The following SPAST variants were observed in gnomAD, a reference collection of about 807,000 sequenced individuals.
SPAST encodes the protein spastin, also known as spastic paraplegia 4 (autosomal dominant; spastin).
SPAST carries 30 observed loss-of-function variants against 76.6 expected under a neutral mutation model. The ratio of observed to expected loss-of-function variants is 0.39; its 90% CI spans 0.29 to 0.53. SPAST has a LOEUF of 0.53. Ranked by LOEUF, SPAST falls within the 20% of genes least tolerant of loss-of-function variation. The probability of loss-of-function intolerance (pLI) is 0.68; values close to 1 mark genes in which losing one functional copy is unlikely to be tolerated. For synonymous variants in SPAST, 305 were observed against 281.0 expected (o/e 1.09, Z -0.86); for missense variants, 717 against 770.5 (o/e 0.93, Z 0.82).
chr2:32,063,948 C>T lies in SPAST; in HGVS notation c.117C>T (p.Ala39=). The change falls in exon 1 of 17, where the codon GCC becomes GCT. Residue 39 remains alanine, a synonymous_variant. Coordinates refer to ENST00000315285, the MANE Select transcript of SPAST (RefSeq NM_014946.4). ...CCGCCCCTCCCGCCGCCGGGCCGGC[C>T]CCTCCGCCCGAGTCGCCGCATAAGC... is the stretch of plus-strand genomic sequence containing the variant. The part of the protein sequence containing the change: ...LAPAPPAAGP[A]PPPESPHKRN... 2 of 1,609,434 alleles carry T rather than the reference C, an allele frequency of 1.2e-6. No individual in the cohort carries two copies. The highest frequency in any genetic ancestry group is 1.7e-6 in the Non-Finnish European group (2 of 1,177,900).
At chr2:32,128,680 G>T (rs1679277078) in intron 9 of SPAST, 1 of 570,652 alleles carries the variant, frequency 1.8e-6, no homozygotes, top group Admixed American at 3.0e-5. Context: ...TAGTTTACTG[G>T]GGCCATGTAA....
At chr2:32,124,458 G>T (rs1224440749) in intron 7 of SPAST, among the ~76,000 whole-genome samples, 1 of 151,864 alleles carries the variant, frequency 6.6e-6, no homozygotes, top group Non-Finnish European at 1.5e-5. Flanking sequence ...GAAGGTAGTT[G>T]GACAGTTTTT....
chr2:32,128,582 C>A, intron 9 of SPAST, 103 bp downstream of exon 9: 1 of 783,850 alleles, frequency 1.3e-6, no homozygotes. Context: ...TTTCTAGGAG[C>A]TTATCTATTG....
chr2:32,089,372 T>C, intron 2 of SPAST, 150 bp from the exon 3 acceptor site: 2 of 565,616 alleles, frequency 3.5e-6, no homozygotes, highest in Non-Finnish European at 6.2e-6. Context: ...TCTGTTTTCT[T>C]TCTTTTGGGT....
At chr2:32,067,566 C>T (rs1302973388) in intron 1 of SPAST, among the ~76,000 whole-genome samples, 1 of 152,030 alleles carries the variant, frequency 6.6e-6, no homozygotes, top group Non-Finnish European at 1.5e-5. Context: ...TTCAGTATCA[C>T]ATATATGAAT....
intron 4 of SPAST, among the ~76,000 whole-genome samples, chr2:32,110,609 C>G (rs1437314617): frequency 8.0e-6 from 1 of 124,670 alleles, no homozygotes; most frequent in South Asian, 2.4e-4. Context: ...ACACTATATA[C>G]TATATAGTGT....
At chr2:32,098,535 T>A (rs1009206670) in intron 3 of SPAST, among the ~76,000 whole-genome samples, 1 of 152,194 alleles carries the variant, frequency 6.6e-6, no homozygotes, top group Non-Finnish European at 1.5e-5. Context: ...GATAGTGATA[T>A]CTAACTACCT....
chr2:32,121,535 C>CTTT lies in SPAST; in HGVS notation c.1098+5344_1098+5346dup, dbSNP rs34519148. On this transcript the variant is annotated intron_variant, in intron 7 of 16. Transcript: ENST00000315285. Reference sequence around the variant, plus strand: ...AAGTTTTTTTGTTTCATCTTTCTCACTTTTTTTTTTTTTTTTTTTTTTTAA... The same window carrying CTTT: ...AAGTTTTTTTGTTTCATCTTTCTCACTTTTTTTTTTTTTTTTTTTTTTTTTTAA... 6.0e-4 allele frequency among the ~76,000 whole-genome samples: 62 copies of CTTT among 102,712 alleles called. 1 individual carries two copies. The highest frequency in any genetic ancestry group is 7.4e-4 in the Non-Finnish European group (40 of 53,778). The allele number at this position is 102,712 out of a possible 152,430, so 67.4% of individuals were successfully genotyped here. A position where few individuals can be genotyped will look rare whatever the true frequency, so the allele number is the denominator to read the frequency against.
chr2:32,110,775 G>T (rs946430826), intron 4 of SPAST, among the ~76,000 whole-genome samples: 2 of 102,474 alleles, frequency 2.0e-5, no homozygotes, highest in African/African-American at 7.5e-5. Flanking sequence ...AGTATACATA[G>T]TATACTATAT....
At chr2:32,132,403 A>G (rs1679399246) in intron 9 of SPAST, among the ~76,000 whole-genome samples, 1 of 152,156 alleles carries the variant, frequency 6.6e-6, no homozygotes, top group Non-Finnish European at 1.5e-5. Flanking sequence ...AAAAAAAGAA[A>G]AGAAAAAGAA....
At position 32,083,765 on chromosome 2, in the gene SPAST, TATATATATA is replaced by T. The variant is rs1441726429; in HGVS notation, c.416-3726_416-3718del. ...TTTATATATACTATATATATATATA[TATATATATA>T]TATTTTTTTTTTTTTTTGAGATGAA... On this transcript the variant is annotated intron_variant, in intron 1 of 16. Coordinates refer to ENST00000315285, the MANE Select transcript of SPAST (RefSeq NM_014946.4). Among the ~76,000 whole-genome samples, 361 of 97,904 alleles carry T rather than the reference TATATATATA, an allele frequency of 3.7e-3. 9 individuals are homozygous for T. The highest frequency in any genetic ancestry group is 0.012 in the African/African-American group (293 of 23,466). 64.2% of individuals were successfully genotyped at this position (97,904 alleles called of 152,430 possible).
intron 1 of SPAST, among the ~76,000 whole-genome samples, chr2:32,081,548 C>T (rs917654830): frequency 2.0e-5 from 3 of 151,914 alleles, no homozygotes; most frequent in Admixed American, 6.6e-5. Context: ...TTTCAGAGTT[C>T]ACAGTCACTT....
At chr2:32,098,670 C>T (rs1553311801) in intron 3 of SPAST, 126 bp from the exon 4 acceptor site, 1 of 622,154 alleles carries the variant, frequency 1.6e-6, no homozygotes, top group Non-Finnish European at 2.9e-6. Context: ...AATGCAAAAA[C>T]TTTTTATCAT....
In SPAST at chr2:32,156,707, CTA is replaced by C. The variant is rs1204673324; in HGVS notation, c.*2213_*2214del. On this transcript the variant is annotated 3_prime_UTR_variant, in exon 17 of 17. Transcript: ENST00000315285. ...ATAACTGGCTAATCATATTAAAGGACTATGTGGTTCCAGCTCAACTTTTAATA... is the reference window on the plus strand; with the variant it reads ...ATAACTGGCTAATCATATTAAAGGACTGTGGTTCCAGCTCAACTTTTAATA... 3 of 152,218 alleles carry C rather than the reference CTA, an allele frequency of 2.0e-5. No individual in the cohort carries two copies. Among genetic ancestry groups the C allele is most frequent in the East Asian group, 1.9e-4 (1 of 5,178 alleles). 9.4% of individuals were successfully genotyped at this position (152,218 alleles called of 1,614,324 possible). A position where few individuals can be genotyped will look rare whatever the true frequency, so the allele number is the denominator to read the frequency against.
At chr2:32,096,370 G>A (rs1300534612) in intron 3 of SPAST, among the ~76,000 whole-genome samples, 1 of 152,222 alleles carries the variant, frequency 6.6e-6, no homozygotes, top group African/African-American at 2.4e-5. Flanking sequence ...ATAAGGCAGA[G>A]GTTGCAATGA....
chr2:32,134,445 T>G (rs1679468700), intron 9 of SPAST, among the ~76,000 whole-genome samples: 1 of 149,962 alleles, frequency 6.7e-6, no homozygotes, highest in Non-Finnish European at 1.5e-5. Context: ...GAGATTGCAG[T>G]GAGCCGAGAC....
intron 4 of SPAST, among the ~76,000 whole-genome samples, chr2:32,104,353 G>A (rs575313933): frequency 2.5e-4 from 38 of 152,184 alleles, no homozygotes; most frequent in East Asian, 1.4e-3. Flanking sequence ...GTCTCTGCAC[G>A]TGAGATGGGT....
rs1680185365 is a variant in SPAST, at chr2:32,154,412, GA to G, written c.1774del (p.Ile592Ter). ...IRLSDFTESL[K>X]KIKRSVSPQT... Reference sequence around the variant, plus strand: ...GATTATCTGACTTCACTGAATCCTTGAAAAAAATAAAACGCAGCGTCAGCCC... The same window carrying G: ...GATTATCTGACTTCACTGAATCCTTGAAAAAATAAAACGCAGCGTCAGCCC... On this transcript the variant is annotated frameshift_variant, in exon 17 of 17. Transcript: ENST00000315285. LOFTEE classifies it high-confidence loss of function. The G allele has an allele frequency of 6.2e-7, 1 of 1,613,086 alleles. No homozygotes were observed. Among genetic ancestry groups the G allele is most frequent in the Non-Finnish European group, 8.5e-7 (1 of 1,179,192 alleles).
At chr2:32,087,625 C>A in intron 2 of SPAST, 47 bp downstream of exon 2, 1 of 822,582 alleles carries the variant, frequency 1.2e-6, no homozygotes, top group Non-Finnish European at 2.0e-6. Flanking sequence ...GATATATTCA[C>A]ATGATTGTCC....
Sources: gnomAD v4.1 joint callset for allele counts (sites outside exome capture counted in the v4.1 genomes callset) on GRCh38, gnomAD v4.1.1 for gene constraint, MANE v1.5 for transcripts, NCBI Gene and HGNC (gene_info 2026-07-23, HGNC 2026-07-21) for gene names.